SEMA6D: variants seen among roughly 807,000 people sequenced by gnomAD.
SEMA6D encodes semaphorin 6D.
A neutral mutation model predicts 106.6 loss-of-function variants in SEMA6D; 35 were observed. The observed-to-expected ratio is 0.33, with a 90% CI of 0.25 to 0.44. SEMA6D has a LOEUF of 0.44. SEMA6D is among the 20% of genes least tolerant of loss of function. SEMA6D has a pLI of 1.00. For missense variants in SEMA6D, 1,185 were observed against 1,345.9 expected, an observed-to-expected ratio of 0.88 and a Z score of 1.87; for synonymous variants, 499 against 487.7, an observed-to-expected ratio of 1.02 and a Z score of -0.31.
At chr15:47,527,128 T>C (rs1478464661) in intron 3 of SEMA6D, among the ~76,000 whole-genome samples, 2 of 152,206 alleles carry the variant, frequency 1.3e-5, no homozygotes, top group African/African-American at 4.8e-5. Flanking sequence ...GAGGAGTGTT[T>C]GCCAAACACT....
In SEMA6D at chr15:47,503,563, A is replaced by G. The variant is rs903609714; in HGVS notation, c.-87+33018A>G. Among the ~76,000 whole-genome samples, 6 of 152,330 alleles carry G rather than the reference A, an allele frequency of 3.9e-5. No homozygotes were observed. In the East Asian group the frequency reaches 1.2e-3, roughly 29 times the overall value. On this transcript the variant is annotated intron_variant, in intron 3 of 19. Transcript: ENST00000558014. ...TGTGAGTTCTTTCATTTCCATTTAC[A>G]TTAGTAATGTAGCTTTCATGGTTCC...
At chr15:47,382,335 T>C (rs1365383217) in intron 1 of SEMA6D, among the ~76,000 whole-genome samples, 2 of 151,934 alleles carry the variant, frequency 1.3e-5, no homozygotes, top group Non-Finnish European at 2.9e-5. Flanking sequence ...GGTGAAACCC[T>C]GTCTCTACTA....
rs187399540 is a variant in SEMA6D, at chr15:47,387,255, G to A, written c.-238-25138G>A. Among the ~76,000 whole-genome samples the A allele has an allele frequency of 3.5e-3, 533 of 152,318 alleles. 3 individuals carry two copies. The highest frequency in any genetic ancestry group is 4.1e-3 in the South Asian group (20 of 4,824). Reference sequence around the variant, plus strand: ...CTAGCACTCAGTCAAGGAAATTTAAGGGAAGCCTTGTTATTCCATTTTACT... The same window carrying A: ...CTAGCACTCAGTCAAGGAAATTTAAAGGAAGCCTTGTTATTCCATTTTACT... On this transcript the variant is annotated intron_variant, in intron 1 of 19. Transcript: ENST00000558014.
chr15:47,653,832 C>T (rs186020167), intron 4 of SEMA6D, among the ~76,000 whole-genome samples: 1 of 152,140 alleles, frequency 6.6e-6, no homozygotes, highest in Admixed American at 6.6e-5. Context: ...CACGAATGAA[C>T]GAATGGAAAA....
intron 1 of SEMA6D, among the ~76,000 whole-genome samples, chr15:47,285,010 T>C (rs1026387669): frequency 6.6e-6 from 1 of 152,212 alleles, no homozygotes; most frequent in Admixed American, 6.5e-5. Context: ...GTGAGCTCCA[T>C]GACTCCTAGT....
At chr15:47,358,038 C>T (rs1360308134) in intron 1 of SEMA6D, among the ~76,000 whole-genome samples, 2 of 152,052 alleles carry the variant, frequency 1.3e-5, no homozygotes, top group Non-Finnish European at 2.9e-5. Context: ...TCCATATTTC[C>T]GTAGACTTCT....
At chr15:47,394,001 G>C (rs971571598) in intron 1 of SEMA6D, among the ~76,000 whole-genome samples, 1 of 152,148 alleles carries the variant, frequency 6.6e-6, no homozygotes, top group Admixed American at 6.5e-5. Context: ...GCAAGTGAGA[G>C]GCAGGATAGA....
At chr15:47,438,671 T>C (rs1053078330) in intron 2 of SEMA6D, among the ~76,000 whole-genome samples, 1 of 151,930 alleles carries the variant, frequency 6.6e-6, no homozygotes, top group Non-Finnish European at 1.5e-5. Context: ...CCTCATCTCC[T>C]ATAGGTTTGC....
intron 1 of SEMA6D, among the ~76,000 whole-genome samples, chr15:47,253,689 T>A (rs2033641594): frequency 6.6e-6 from 1 of 152,198 alleles, no homozygotes; most frequent in African/African-American, 2.4e-5. Context: ...CTGAGTTCTC[T>A]ATTCTATCCC....
At chr15:47,302,933 G>T (rs961906730) in intron 1 of SEMA6D, among the ~76,000 whole-genome samples, 13 of 152,130 alleles carry the variant, frequency 8.5e-5, no homozygotes, top group Non-Finnish European at 1.9e-4. Flanking sequence ...CCACAGAAAG[G>T]TAGGTAGTAC....
chr15:47,518,674 C>T (rs2044470183), intron 3 of SEMA6D, among the ~76,000 whole-genome samples: 3 of 152,124 alleles, frequency 2.0e-5, no homozygotes, highest in Admixed American at 2.0e-4. Context: ...CTATATAGGA[C>T]ATTTACCATG....
chr15:47,760,218 A>G lies in SEMA6D; in HGVS notation c.110-86A>G. 3 of 898,362 alleles carry G rather than the reference A, an allele frequency of 3.3e-6. No homozygotes were observed. In the South Asian group the frequency reaches 4.7e-5, roughly 14 times the overall value. The allele number at this position is 898,362 out of a possible 1,614,324, so 55.6% of individuals were successfully genotyped here. ...GGAATTTAGTTAAAACCCTTCTACAACAAGTATATACAGCTAATCAATGCT... is the reference window on the plus strand; with the variant it reads ...GGAATTTAGTTAAAACCCTTCTACAGCAAGTATATACAGCTAATCAATGCT... On this transcript the variant is annotated intron_variant, in intron 2 of 18. Coordinates refer to ENST00000536845, the MANE Select transcript of SEMA6D (RefSeq NM_001358351.3).
chr15:47,215,501 A>G (rs2141276914), intron 1 of SEMA6D, among the ~76,000 whole-genome samples: 1 of 152,322 alleles, frequency 6.6e-6, no homozygotes, highest in Middle Eastern at 3.4e-3. Context: ...TGTTTTATAT[A>G]TGAATTTAGC....
intron 3 of SEMA6D, among the ~76,000 whole-genome samples, chr15:47,564,787 C>T (rs564518352): frequency 6.6e-6 from 1 of 152,228 alleles, no homozygotes; most frequent in African/African-American, 2.4e-5. Context: ...CCACCCATGA[C>T]CCCGCCCTAC....
intron 15 of SEMA6D, 140 bp downstream of exon 15, chr15:47,766,322 A>C: frequency 1.4e-6 from 1 of 726,420 alleles, no homozygotes; most frequent in Non-Finnish European, 2.3e-6. Context: ...GAAAACCAGG[A>C]GACGTGACAA....
Position 47,766,975 on chromosome 15 carries a change from C to G in SEMA6D, c.1709-62C>G. On this transcript the variant is annotated intron_variant, in intron 16 of 18. Coordinates refer to ENST00000536845, the MANE Select transcript of SEMA6D (RefSeq NM_001358351.3). ...TTTACTTTTTTAGTTAATTGGAATTCATAAATTTTTGCTTTCTTTTGGTTA... is the reference window on the plus strand; with the variant it reads ...TTTACTTTTTTAGTTAATTGGAATTGATAAATTTTTGCTTTCTTTTGGTTA... 6.8e-6 allele frequency: 6 copies of G among 883,592 alleles called. No individual in the cohort carries two copies. In the South Asian group the frequency reaches 1.2e-4, roughly 18 times the overall value. The allele number at this position is 883,592 out of a possible 1,614,324, so 54.7% of individuals were successfully genotyped here. A position where few individuals can be genotyped will look rare whatever the true frequency, so the allele number is the denominator to read the frequency against.
intron 1 of SEMA6D, among the ~76,000 whole-genome samples, chr15:47,373,199 A>C (rs952785588): frequency 2.0e-5 from 3 of 152,154 alleles, no homozygotes; most frequent in African/African-American, 7.2e-5. Context: ...GGGTGGTCCT[A>C]AGGTGCCATC....
At chr15:47,387,959 T>C (rs752848044) in intron 1 of SEMA6D, among the ~76,000 whole-genome samples, 10 of 152,158 alleles carry the variant, frequency 6.6e-5, no homozygotes, top group African/African-American at 9.7e-5. Flanking sequence ...CTCAGAATAG[T>C]GGTAAGCACT....
At chr15:47,545,420 T>C (rs918490438) in intron 3 of SEMA6D, among the ~76,000 whole-genome samples, 1 of 152,088 alleles carries the variant, frequency 6.6e-6, no homozygotes, top group Non-Finnish European at 1.5e-5. Flanking sequence ...ATACATCCTT[T>C]AGGCTGTAAT....
Sources: gnomAD v4.1 joint callset for allele counts (sites outside exome capture counted in the v4.1 genomes callset) on GRCh38, gnomAD v4.1.1 for gene constraint, MANE v1.5 for transcripts, NCBI Gene and HGNC (gene_info 2026-07-23, HGNC 2026-07-21) for gene names.